The following LRRFIP1 variants were observed in gnomAD, a reference collection of about 807,000 sequenced individuals.
LRRFIP1 encodes the protein leucine-rich repeat flightless-interacting protein 1.
A neutral mutation model predicts 104.4 loss-of-function variants in LRRFIP1; 62 were observed. That is an observed-to-expected ratio of 0.59 (90% CI 0.48 to 0.73). The LOEUF (loss-of-function observed/expected upper bound fraction) is 0.73. Among genes scored for constraint, LRRFIP1 ranks in the 30% least tolerant of loss-of-function variants. LRRFIP1 has a pLI of 0.00. For synonymous variants in LRRFIP1, 300 were observed against 299.0 expected (o/e 1.00, Z -0.03); for missense variants, 796 against 824.5 (o/e 0.97, Z 0.42).
intron 16 of LRRFIP1, among the ~76,000 whole-genome samples, chr2:237,756,416 T>A (rs1009123239): frequency 1.3e-5 from 2 of 152,228 alleles, no homozygotes; most frequent in Non-Finnish European, 2.9e-5. Flanking sequence ...TGCTATATCC[T>A]TCCTCCAACG....
chr2:237,741,930 T>A (rs2057145264), intron 11 of LRRFIP1, among the ~76,000 whole-genome samples: 1 of 152,226 alleles, frequency 6.6e-6, no homozygotes, highest in African/African-American at 2.4e-5. Context: ...CCAAACACGC[T>A]TAATGCCCTC....
In LRRFIP1 at chr2:237,753,320, A is replaced by G; in HGVS notation, c.879A>G (p.Ala293=). ...CCTGCTTTCCACAGGACTCTCTAGCAGAAGTTGAAGAGAAATATAAGAAGG... is the reference window on the plus strand; with the variant it reads ...CCTGCTTTCCACAGGACTCTCTAGCGGAAGTTGAAGAGAAATATAAGAAGG... ...QGLKEMKDSL[A]EVEEKYKKAM... Residue 293 remains alanine (A), a synonymous_variant, in exon 15 of 24, where the codon GCA becomes GCG. Coordinates refer to ENST00000308482, the MANE Select transcript of LRRFIP1 (RefSeq NM_001137550.2). 6.3e-7 allele frequency: 1 copy of G among 1,584,842 alleles called. No homozygotes were observed. The highest frequency in any genetic ancestry group is 8.5e-7 in the Non-Finnish European group (1 of 1,173,100).
chr2:237,690,736 CAA>C (rs66463256), intron 1 of LRRFIP1, among the ~76,000 whole-genome samples: 17,616 of 116,366 alleles, frequency 0.15, 3,158 homozygotes, highest in African/African-American at 0.43. Flanking sequence ...GACTCCATCT[CAA>C]AAAAAAAAAA....
chr2:237,756,744 G>A (rs1559803957), intron 16 of LRRFIP1, among the ~76,000 whole-genome samples: 2 of 152,204 alleles, frequency 1.3e-5, no homozygotes, highest in African/African-American at 4.8e-5. Flanking sequence ...TTGGGGAGGT[G>A]TGGTAGACAG....
At chr2:237,764,729 T>C in intron 19 of LRRFIP1, 1 of 986,662 alleles carries the variant, frequency 1.0e-6, no homozygotes, top group Non-Finnish European at 1.2e-6. Flanking sequence ...AACAAGTAAA[T>C]GTCTGAAAGC....
Position 237,675,798 on chromosome 2 carries a change from A to T in LRRFIP1, c.97-32746A>T, listed in dbSNP as rs559852239. 3.4e-3 allele frequency among the ~76,000 whole-genome samples: 516 copies of T among 152,356 alleles called. 10 individuals are homozygous for T. In the East Asian group the frequency reaches 0.047, roughly 14 times the overall value. ...TTTTGATGTATTTCCTTAGGGCCTTAGGTGTTGTTTATTTTTGCAGAGATA... is the reference window on the plus strand; with the variant it reads ...TTTTGATGTATTTCCTTAGGGCCTTTGGTGTTGTTTATTTTTGCAGAGATA... On this transcript the variant is annotated intron_variant, in intron 1 of 23. Transcript: ENST00000308482.
chr2:237,635,417 G>A (rs937446836), intron 1 of LRRFIP1, among the ~76,000 whole-genome samples: 3 of 152,234 alleles, frequency 2.0e-5, no homozygotes, highest in Non-Finnish European at 4.4e-5. Flanking sequence ...TGAAAGGAGT[G>A]TGGGGATGGA....
Position 237,661,843 on chromosome 2 carries a change from A to G in LRRFIP1, c.96+34103A>G, listed in dbSNP as rs2088039623. Among the ~76,000 whole-genome samples the G allele has an allele frequency of 1.3e-5, 2 of 152,216 alleles. No individual in the cohort carries two copies. The highest frequency in any genetic ancestry group is 1.3e-4 in the Admixed American group (2 of 15,286). ...TGAGTGGCATAGGCTCTCCTGACCC[A>G]GGTACCTATCAGCCCCCAAAATAGG... On this transcript the variant is annotated intron_variant, in intron 1 of 23. Transcript: ENST00000308482. This position sits in a 1 kb window ranked among gnomAD's most constrained non-coding sequence, Gnocchi z 4.4.
At chr2:237,697,038 T>TA (rs905541963) in intron 1 of LRRFIP1, among the ~76,000 whole-genome samples, 6 of 152,218 alleles carry the variant, frequency 3.9e-5, no homozygotes, top group African/African-American at 1.2e-4. Context: ...TCTTTTTTTT[T>TA]ATTGAGACAG....
chr2:237,770,361 C>T, intron 20 of LRRFIP1: 1 of 203,646 alleles, frequency 4.9e-6, no homozygotes, highest in Non-Finnish European at 1.0e-5. Flanking sequence ...TAGCACTTCT[C>T]TTGTCCATAT....
chr2:237,703,518 C>T lies in LRRFIP1; in HGVS notation c.97-5026C>T, dbSNP rs2093645050. 6.6e-6 allele frequency among the ~76,000 whole-genome samples: 1 copy of T among 152,068 alleles called. No homozygotes were observed. Among genetic ancestry groups the T allele is most frequent in the African/African-American group, 2.4e-5 (1 of 41,380 alleles). ...GGAGGCTGAGGGCGAGGGTCTGCAC[C>T]CCAGGCGTCTGCACTCCTTGTCACC... On this transcript the variant is annotated intron_variant, in intron 1 of 23. Coordinates refer to ENST00000308482, the MANE Select transcript of LRRFIP1 (RefSeq NM_001137550.2). This position sits in a 1 kb window ranked among gnomAD's most constrained non-coding sequence, Gnocchi z 4.3.
intron 1 of LRRFIP1, among the ~76,000 whole-genome samples, chr2:237,706,214 G>A (rs530511984): frequency 2.6e-5 from 4 of 152,182 alleles, no homozygotes; most frequent in African/African-American, 7.2e-5. Flanking sequence ...TATGCAGGGC[G>A]TGTACACCAG....
chr2:237,706,991 T>A (rs2093844060), intron 1 of LRRFIP1, among the ~76,000 whole-genome samples: 1 of 152,146 alleles, frequency 6.6e-6, no homozygotes, highest in African/African-American at 2.4e-5. Flanking sequence ...GGCAACAAGG[T>A]ATCAAAATCC....
At chr2:237,749,096 G>A (rs755050051) in intron 12 of LRRFIP1, 103 bp from the exon 13 acceptor site, 41 of 1,249,492 alleles carry the variant, frequency 3.3e-5, no homozygotes, top group Middle Eastern at 2.7e-4. Context: ...CACCAGGGCC[G>A]TCCCTCATCT....
At chr2:237,774,071 A>C in intron 22 of LRRFIP1, 1 of 368,000 alleles carries the variant, frequency 2.7e-6, no homozygotes, top group Non-Finnish European at 5.0e-6. Flanking sequence ...AGCCCCACGC[A>C]GCGGGAGAAG....
In LRRFIP1 at chr2:237,708,586, G is replaced by T. The variant is rs763202201; in HGVS notation, c.139G>T (p.Ala47Ser). 2.5e-6 allele frequency: 4 copies of T among 1,599,418 alleles called. No individual in the cohort carries two copies. Among genetic ancestry groups the T allele is most frequent in the South Asian group, 1.1e-5 (1 of 89,120 alleles). ...LAAKRAARAE[A>S]REIRMKELER... ...TGCAAAACGGGCGGCCCGCGCGGAG[G>T]CTCGCGAGATCCGCATGAAGGAGCT... The change falls in exon 2 of 24, where the codon GCT (alanine) becomes TCT (serine). Residue 47 changes from alanine (A) to serine (S), a missense_variant. By Grantham distance (99) the Ala-to-Ser change is moderately conservative (BLOSUM62 1). Coordinates refer to ENST00000308482, the MANE Select transcript of LRRFIP1 (RefSeq NM_001137550.2).
chr2:237,759,513 G>A (rs2059642517), intron 18 of LRRFIP1, among the ~76,000 whole-genome samples: 1 of 152,240 alleles, frequency 6.6e-6, no homozygotes, highest in Non-Finnish European at 1.5e-5. Flanking sequence ...GAGAGCCACA[G>A]GCGGCAGGAG....
At chr2:237,713,618 A>G (rs529479404) in intron 2 of LRRFIP1, among the ~76,000 whole-genome samples, 7 of 152,032 alleles carry the variant, frequency 4.6e-5, no homozygotes, top group African/African-American at 9.7e-5. Flanking sequence ...TGATATGACA[A>G]ATGTCTTAAT....
chr2:237,689,121 AAAG>A (rs1162662191), intron 1 of LRRFIP1, among the ~76,000 whole-genome samples: 1 of 151,938 alleles, frequency 6.6e-6, no homozygotes, highest in African/African-American at 2.4e-5. Flanking sequence ...AGGGGACTTT[AAAG>A]TTACCTGTAT....
Sources: gnomAD v4.1 joint callset for allele counts (sites outside exome capture counted in the v4.1 genomes callset) on GRCh38, gnomAD v4.1.1 for gene constraint, Gnocchi (gnomAD v3.1) non-coding constraint, MANE v1.5 for transcripts, NCBI Gene and HGNC (gene_info 2026-07-23, HGNC 2026-07-21) for gene names.